Variants in SUSD4 observed in about 807,000 individuals in gnomAD.
SUSD4 encodes sushi domain containing 4, also known as sushi domain-containing protein 4.
SUSD4 carries 41 observed loss-of-function variants against 50.5 expected under a neutral mutation model. The ratio of observed to expected loss-of-function variants is 0.81; its 90% CI spans 0.63 to 1.05. The LOEUF (loss-of-function observed/expected upper bound fraction) is 1.05. Ranked by LOEUF, SUSD4 falls within the 50% of genes least tolerant of loss-of-function variation. SUSD4 has a pLI of 0.00. For synonymous variants in SUSD4, 257 were observed against 257.3 expected (o/e 1.00, Z 0.01); for missense variants, 580 against 634.7 (o/e 0.91, Z 0.93).
chr1:223,339,821 C>T (rs552537297), intron 2 of SUSD4, among the ~76,000 whole-genome samples: 21 of 152,218 alleles, frequency 1.4e-4, no homozygotes, highest in East Asian at 3.9e-4. Flanking sequence ...GGCTGGGCCC[C>T]GGCTCCCCCA....
In SUSD4 at chr1:223,227,596, G is replaced by C. The variant is rs1478262143; in HGVS notation, c.1059C>G (p.Pro353=). The C allele has an allele frequency of 1.2e-6, 2 of 1,613,394 alleles. No individual in the cohort carries two copies. Among genetic ancestry groups the C allele is most frequent in the Admixed American group, 1.7e-5 (1 of 59,948 alleles). Reference sequence around the variant, plus strand: ...AGCTGCCAAGACATGACACTGACCTGGGGGGAAAGTGGGCCTTGAACTTGG... The same window carrying C: ...AGCTGCCAAGACATGACACTGACCTCGGGGGAAAGTGGGCCTTGAACTTGG... ...FQTKFKAHFP[P]RGPPRSSSSD... The change falls in exon 7 of 9, where the codon CCC becomes CCG. Residue 353 remains proline (P), a splice_region_variant and synonymous_variant. Coordinates refer to ENST00000366878, the MANE Select transcript of SUSD4 (RefSeq NM_017982.4). The surrounding 1 kb of genome is among the most constrained non-coding windows in gnomAD (Gnocchi z 4.5).
intron 5 of SUSD4, among the ~76,000 whole-genome samples, chr1:223,246,155 C>A (rs1660911625): frequency 6.6e-6 from 1 of 152,114 alleles, no homozygotes; most frequent in Non-Finnish European, 1.5e-5. Flanking sequence ...AATGCTGAGA[C>A]ACCCTACAGG....
chr1:223,351,970 C>T (rs1331435218), intron 2 of SUSD4, among the ~76,000 whole-genome samples: 2 of 151,412 alleles, frequency 1.3e-5, no homozygotes, highest in African/African-American at 2.4e-5. Context: ...TATAGGAAAA[C>T]GCCAAGTATT....
intron 5 of SUSD4, among the ~76,000 whole-genome samples, chr1:223,242,393 C>T (rs2103024595): frequency 6.6e-6 from 1 of 152,310 alleles, no homozygotes; most frequent in Middle Eastern, 3.4e-3. Flanking sequence ...GTCTGGCATG[C>T]TGTGGGGGTT....
Position 223,292,657 on chromosome 1 carries a change from T to A in SUSD4, c.149-6A>T. 6.2e-7 allele frequency: 1 copy of A among 1,613,152 alleles called. No homozygotes were observed. Among genetic ancestry groups the A allele is most frequent in the Non-Finnish European group, 8.5e-7 (1 of 1,179,614 alleles). On this transcript the variant is annotated splice_polypyrimidine_tract_variant and splice_region_variant and intron_variant, in intron 2 of 8. Transcript: ENST00000366878. Reference sequence around the variant, plus strand: ...CACTTGAAGGTCATCGAACCCTACATCAACAAAGAGAGGAAAAGGTGCCTA... The same window carrying A: ...CACTTGAAGGTCATCGAACCCTACAACAACAAAGAGAGGAAAAGGTGCCTA...
chr1:223,227,789 T>G lies in SUSD4; in HGVS notation c.917-51A>C. 12 of 1,551,216 alleles carry G rather than the reference T, an allele frequency of 7.7e-6. No individual in the cohort carries two copies. The highest frequency in any genetic ancestry group is 1.1e-5 in the Non-Finnish European group (12 of 1,141,132). On this transcript the variant is annotated intron_variant, in intron 6 of 8. Transcript: ENST00000366878. This position sits in a 1 kb window ranked among gnomAD's most constrained non-coding sequence, Gnocchi z 4.5. ...CGTGAGGCTCCCAGACCATGAGAGG[T>G]GCCGAGGTTCCCCGTGGGCTCATTT... is the stretch of plus-strand genomic sequence containing the variant.
chr1:223,269,950 G>A (rs1662790891), intron 3 of SUSD4, among the ~76,000 whole-genome samples: 1 of 152,188 alleles, frequency 6.6e-6, no homozygotes, highest in African/African-American at 2.4e-5. Context: ...AAATGCTGTG[G>A]CTAGTGGGTG....
At chr1:223,269,992 T>C (rs1233788116) in intron 3 of SUSD4, among the ~76,000 whole-genome samples, 1 of 152,062 alleles carries the variant, frequency 6.6e-6, no homozygotes, top group East Asian at 1.9e-4. Context: ...GGAACTTTGG[T>C]GGCTCGGAAA....
At chr1:223,310,180 G>A (rs1180205579) in intron 2 of SUSD4, among the ~76,000 whole-genome samples, 5 of 152,210 alleles carry the variant, frequency 3.3e-5, no homozygotes, top group African/African-American at 4.8e-5. Context: ...AGAGGTCAGT[G>A]ATGTGGATGC....
chr1:223,340,149 G>T (rs1667675495), intron 2 of SUSD4, among the ~76,000 whole-genome samples: 1 of 152,194 alleles, frequency 6.6e-6, no homozygotes, highest in African/African-American at 2.4e-5. Context: ...ATGGGCTTCA[G>T]TCTAGGCCCA....
intron 5 of SUSD4, among the ~76,000 whole-genome samples, chr1:223,247,551 G>C (rs2103034982): frequency 6.6e-6 from 1 of 152,220 alleles, no homozygotes; most frequent in Middle Eastern, 3.4e-3. Context: ...ATATACAGTT[G>C]GTATAAGGAA....
At chr1:223,259,356 T>C (rs973976157) in intron 5 of SUSD4, among the ~76,000 whole-genome samples, 7 of 152,206 alleles carry the variant, frequency 4.6e-5, no homozygotes, top group Non-Finnish European at 1.0e-4. Context: ...GGATCCAGGA[T>C]CCTAAGTCCT....
chr1:223,311,287 A>T (rs1341701458), intron 2 of SUSD4, among the ~76,000 whole-genome samples: 3 of 152,256 alleles, frequency 2.0e-5, no homozygotes, highest in African/African-American at 7.2e-5. Context: ...GAAAGGAAGT[A>T]AATCAGAAAT....
intron 8 of SUSD4, 98 bp downstream of exon 8, chr1:223,223,151 G>C: frequency 6.8e-7 from 1 of 1,471,518 alleles, no homozygotes; most frequent in Non-Finnish European, 9.0e-7. Flanking sequence ...ATTCGACTCT[G>C]TGCTGGGGGG....
chr1:223,247,406 T>C (rs771192940), intron 5 of SUSD4, among the ~76,000 whole-genome samples: 2 of 152,212 alleles, frequency 1.3e-5, no homozygotes, highest in Non-Finnish European at 2.9e-5. Context: ...GAGCTTCCAC[T>C]GGCCCCTGAA....
At chr1:223,337,167 ATAAAT>A (rs1024762478) in intron 2 of SUSD4, among the ~76,000 whole-genome samples, 2 of 152,264 alleles carry the variant, frequency 1.3e-5, no homozygotes, top group Admixed American at 1.3e-4. Flanking sequence ...TATTAGTTGA[ATAAAT>A]TAATGAATGC....
intron 4 of SUSD4, among the ~76,000 whole-genome samples, chr1:223,265,485 GT>G (rs1662429787): frequency 6.6e-6 from 1 of 152,248 alleles, no homozygotes; most frequent in South Asian, 2.1e-4. Context: ...GTTTCAGCAG[GT>G]CTGGGGCAGA....
chr1:223,354,354 AG>A (rs1371873018), intron 2 of SUSD4, among the ~76,000 whole-genome samples: 1 of 151,906 alleles, frequency 6.6e-6, no homozygotes, highest in East Asian at 1.9e-4. Context: ...AAAAAAAAAA[AG>A]AACACCTCGC....
At chr1:223,343,606 G>T (rs879295130) in intron 2 of SUSD4, among the ~76,000 whole-genome samples, 8 of 152,130 alleles carry the variant, frequency 5.3e-5, no homozygotes, top group Non-Finnish European at 1.0e-4. Flanking sequence ...TACTATTTGG[G>T]GGGAGAATGA....
Sources: allele counts gnomAD v4.1 joint callset (sites outside exome capture counted in the v4.1 genomes callset), GRCh38; gene constraint gnomAD v4.1.1; non-coding constraint Gnocchi (gnomAD v3.1); transcripts MANE v1.5; gene names NCBI Gene and HGNC (gene_info 2026-07-23, HGNC 2026-07-21).